Variants in CLEC4C observed in about 807,000 individuals in gnomAD.
The protein encoded by CLEC4C is C-type lectin domain family 4 member C.
In CLEC4C, 17 loss-of-function variants were observed where a neutral mutation model predicts 27.7. The ratio of observed to expected loss-of-function variants is 0.61; its 90% CI spans 0.42 to 0.92. CLEC4C has a LOEUF of 0.92. Ranked by LOEUF, CLEC4C falls within the 40% of genes least tolerant of loss-of-function variation. The pLI is 0.00. For synonymous variants in CLEC4C, 80 were observed against 80.8 expected, an observed-to-expected ratio of 0.99 and a Z score of 0.06; for missense variants, 244 against 257.3, an observed-to-expected ratio of 0.95 and a Z score of 0.35.
At chr12:7,730,728 T>C (rs971916109) in intron 5 of CLEC4C, 69 bp downstream of exon 5, 1 of 753,392 alleles carries the variant, frequency 1.3e-6, no homozygotes, top group African/African-American at 1.8e-5. Flanking sequence ...GTTTGCTTAA[T>C]AGCTGATGGA....
chr12:7,741,507 T>C lies in CLEC4C; in HGVS notation c.149A>G (p.Lys50Arg), dbSNP rs762687014. Reference sequence around the variant, plus strand: ...TAACTTGGACAGCCTCTTGACAGTTTTGCTATACATAAAATTGTGAGGCAC... The same window carrying C: ...TAACTTGGACAGCCTCTTGACAGTTCTGCTATACATAAAATTGTGAGGCAC... ...SVVPHNFMYS[K>R]TVKRLSKLRE... The change falls in exon 3 of 6, where the codon AAA becomes AGA. Residue 50 changes from lysine (K) to arginine (R), a missense_variant. Lys to Arg is a conservative substitution (Grantham distance 26). Transcript: ENST00000360345. The C allele has an allele frequency of 6.2e-7, 1 of 1,608,086 alleles. No homozygotes were observed. Among genetic ancestry groups the C allele is most frequent in the Non-Finnish European group, 8.5e-7 (1 of 1,174,712 alleles).
chr12:7,744,896 C>A lies in CLEC4C; in HGVS notation c.124+1435G>T, dbSNP rs140867617. On this transcript the variant is annotated intron_variant, in intron 2 of 5. Coordinates refer to ENST00000360345, the MANE Select transcript of CLEC4C (RefSeq NM_001371390.1). ...TCCCAAAGTGCTCACAGGTGTGAGCCACTGCCTGGCCATATGAACAATTTT... is the reference window on the plus strand; with the variant it reads ...TCCCAAAGTGCTCACAGGTGTGAGCAACTGCCTGGCCATATGAACAATTTT... 3.3e-3 allele frequency among the ~76,000 whole-genome samples: 500 copies of A among 151,400 alleles called. 1 individual carries two copies. The highest frequency in any genetic ancestry group is 0.011 in the African/African-American group (469 of 41,452).
intron 4 of CLEC4C, among the ~76,000 whole-genome samples, chr12:7,731,830 T>C (rs1864602318): frequency 6.6e-6 from 1 of 152,162 alleles, no homozygotes; most frequent in African/African-American, 2.4e-5. Flanking sequence ...AAAGGGAGTC[T>C]GTAATCTCAA....
Position 7,741,541 on chromosome 12 carries a change from A to G in CLEC4C, c.125-10T>C. The G allele has an allele frequency of 7.1e-7, 1 of 1,407,668 alleles. No individual in the cohort carries two copies. Among genetic ancestry groups the G allele is most frequent in the Non-Finnish European group, 1.0e-6 (1 of 991,384 alleles). 87.2% of individuals were successfully genotyped at this position (1,407,668 alleles called of 1,614,324 possible). Reference sequence around the variant, plus strand: ...ATAAAATTGTGAGGCACTGGGAAAGAGAAATCGGAGTTAGTTCTCATTCTT... The same window carrying G: ...ATAAAATTGTGAGGCACTGGGAAAGGGAAATCGGAGTTAGTTCTCATTCTT... On this transcript the variant is annotated splice_polypyrimidine_tract_variant and intron_variant, in intron 2 of 5. Transcript: ENST00000360345.
At chr12:7,742,929 C>T in intron 2 of CLEC4C, among the ~76,000 whole-genome samples, 1 of 152,098 alleles carries the variant, frequency 6.6e-6, no homozygotes, top group East Asian at 1.9e-4. Context: ...GTTTTTTTCT[C>T]ATGCTTCTTT....
chr12:7,741,007 A>AT (rs1565462591), intron 3 of CLEC4C, among the ~76,000 whole-genome samples: 1 of 151,794 alleles, frequency 6.6e-6, no homozygotes, highest in Admixed American at 6.6e-5. Flanking sequence ...CACCCAGCTA[A>AT]TTTTTTGTAT....
At chr12:7,736,837 A>T (rs1358413114) in intron 4 of CLEC4C, among the ~76,000 whole-genome samples, 1 of 152,094 alleles carries the variant, frequency 6.6e-6, no homozygotes, top group Non-Finnish European at 1.5e-5. Context: ...CGGGAGGCTG[A>T]GCTTGCAGTG....
chr12:7,739,353 C>T (rs1316590972), intron 3 of CLEC4C, among the ~76,000 whole-genome samples: 1 of 151,986 alleles, frequency 6.6e-6, no homozygotes, highest in Non-Finnish European at 1.5e-5. Flanking sequence ...CCTCGTGATC[C>T]GCCCGCCTCG....
intron 4 of CLEC4C, among the ~76,000 whole-genome samples, chr12:7,735,468 A>T (rs562029209): frequency 8.5e-4 from 122 of 143,808 alleles, no homozygotes; most frequent in Non-Finnish European, 1.4e-3. Flanking sequence ...TTGCCACTGC[A>T]CTCCAGCCTG....
chr12:7,747,290 C>T lies in CLEC4C; in HGVS notation c.31+28G>A, dbSNP rs753915491. On this transcript the variant is annotated intron_variant, in intron 1 of 5. Transcript: ENST00000360345. ...CACTCCATCCTGCTCCTACTACCTT[C>T]CCTAGAACTGAGAAGATGAGTGCTT... 34 of 1,611,972 alleles carry T rather than the reference C, an allele frequency of 2.1e-5. 1 individual carries two copies. In the South Asian group the frequency reaches 3.6e-4, roughly 17 times the overall value.
At chr12:7,742,911 GC>G (rs1455475620) in intron 2 of CLEC4C, among the ~76,000 whole-genome samples, 103 of 152,198 alleles carry the variant, frequency 6.8e-4, no homozygotes, top group African/African-American at 2.5e-3. Flanking sequence ...CCCATTTCAA[GC>G]CGTACTGTTT....
upstream of CLEC4C, chr12:7,747,635 T>A: frequency 1.1e-5 from 2 of 180,894 alleles, no homozygotes; most frequent in Admixed American, 6.9e-5. Flanking sequence ...TGATTGTCTT[T>A]TTTTTTTTTT....
At chr12:7,745,597 T>C (rs1389095849) in intron 2 of CLEC4C, among the ~76,000 whole-genome samples, 1 of 151,502 alleles carries the variant, frequency 6.6e-6, no homozygotes, top group African/African-American at 2.4e-5. Flanking sequence ...TGCACCCAGC[T>C]AATTTTTGTA....
At chr12:7,731,479 G>T (rs1471670648) in intron 4 of CLEC4C, among the ~76,000 whole-genome samples, 1 of 152,082 alleles carries the variant, frequency 6.6e-6, no homozygotes, top group Non-Finnish European at 1.5e-5. Context: ...GCCACCTTTC[G>T]TATTTCTTTC....
At chr12:7,737,170 G>A (rs1864746053) in intron 4 of CLEC4C, among the ~76,000 whole-genome samples, 1 of 152,100 alleles carries the variant, frequency 6.6e-6, no homozygotes, top group Non-Finnish European at 1.5e-5. Context: ...GGCGGAGGCT[G>A]CAGGGAGCTG....
chr12:7,745,737 C>G (rs990102183), intron 2 of CLEC4C, among the ~76,000 whole-genome samples: 15 of 151,628 alleles, frequency 9.9e-5, no homozygotes, highest in African/African-American at 3.4e-4. Flanking sequence ...CTGGCCCAGT[C>G]TATGGTATTT....
intron 2 of CLEC4C, 126 bp from the exon 3 acceptor site, chr12:7,741,657 G>C (rs747961142): frequency 1.6e-5 from 9 of 579,518 alleles, no homozygotes; most frequent in Non-Finnish European, 2.5e-5. Context: ...GGAGGCCGAG[G>C]TGGGAGGACC....
intron 3 of CLEC4C, among the ~76,000 whole-genome samples, chr12:7,738,595 T>G (rs1864780735): frequency 6.6e-6 from 1 of 151,988 alleles, no homozygotes; most frequent in South Asian, 2.1e-4. Flanking sequence ...TTGACCTGGA[T>G]TCAAGTGATC....
chr12:7,745,373 T>C (rs1224043181), intron 2 of CLEC4C, among the ~76,000 whole-genome samples: 2 of 140,224 alleles, frequency 1.4e-5, no homozygotes, highest in African/African-American at 5.2e-5. Flanking sequence ...ACTTCCAGCC[T>C]CCAGAACCAT....
Sources: allele counts gnomAD v4.1 joint callset (sites outside exome capture counted in the v4.1 genomes callset), GRCh38; gene constraint gnomAD v4.1.1; transcripts MANE v1.5; gene names NCBI Gene and HGNC (gene_info 2026-07-23, HGNC 2026-07-21).